MTX3: variants seen among roughly 807,000 people sequenced by gnomAD.
MTX3 encodes the protein metaxin 3.
Under a neutral mutation model 42.5 loss-of-function variants are expected in MTX3, and 27 were observed. That is an observed-to-expected ratio of 0.64 (90% CI 0.47 to 0.88). The LOEUF (loss-of-function observed/expected upper bound fraction) is 0.88, where lower values mean the gene tolerates loss of function less well. Ranked by LOEUF, MTX3 falls within the 40% of genes least tolerant of loss-of-function variation. The pLI, the probability that MTX3 is intolerant of heterozygous loss-of-function variation, is 0.00. For missense variants in MTX3, 378 were observed against 367.0 expected, an observed-to-expected ratio of 1.03 and a Z score of -0.25; for synonymous variants, 144 against 132.9, an observed-to-expected ratio of 1.08 and a Z score of -0.57.
Position 79,987,125 on chromosome 5 carries a change from A to AT in MTX3, c.582-19dup, listed in dbSNP as rs1243720377. ...TAGAAGGCCTAGAAATAAATTAAGG[A>AT]TTTTTAAAGCACATAAGACAATATT... On this transcript the variant is annotated intron_variant, in intron 6 of 8. Transcript: ENST00000512528. The AT allele has an allele frequency of 1.2e-6, 2 of 1,611,990 alleles. No homozygotes were observed.
rs1284477566 is a variant in MTX3 at position 79,980,254 on chromosome 5, TC to T, written c.*3429del. 2 of 152,194 alleles carry T rather than the reference TC, an allele frequency of 1.3e-5. No individual in the cohort carries two copies. 9.4% of individuals were successfully genotyped at this position (152,194 alleles called of 1,614,324 possible). A position where few individuals can be genotyped will look rare whatever the true frequency, so the allele number is the denominator to read the frequency against. On this transcript the variant is annotated 3_prime_UTR_variant, in exon 9 of 9. Coordinates refer to ENST00000512528, the MANE Select transcript of MTX3 (RefSeq NM_001363818.2). ...AACCAACAGGTTTTCTAAGATACTA[TC>T]CCCCTTACCTGTTTCTGCCTCTTTC...
rs185105621 is a variant in MTX3 at position 79,990,161 on chromosome 5, T to C, written c.227A>G (p.Gln76Arg). The C allele has an allele frequency of 1.2e-6, 2 of 1,602,842 alleles. No individual in the cohort carries two copies. Among genetic ancestry groups the C allele is most frequent in the South Asian group, 2.2e-5 (2 of 89,536 alleles). Residue 76 changes from glutamine (Q) to arginine (R), a missense_variant and splice_region_variant, in exon 3 of 9, where the codon CAG becomes CGG. Transcript: ENST00000512528. ...ACTTCTTCAAAGTGAACCACCCACC[T>C]GTTTTCTTAAAAAGTTTAGTATTTT... Reference protein sequence around the residue: ...PAKILNFLRKQKYNADYELSA... With the variant: ...PAKILNFLRKRKYNADYELSA...
chr5:79,987,067 G>T lies in MTX3; in HGVS notation c.622C>A (p.Pro208Thr). 1 of 1,613,946 alleles carries T rather than the reference G, an allele frequency of 6.2e-7. No individual in the cohort carries two copies. Among genetic ancestry groups the T allele is most frequent in the South Asian group, 1.1e-5 (1 of 91,080 alleles). ...LDAYVFGFLA[P>T]LYKVRFPKVQ... ...TTAGGAAACCGTACTTTGTAAAGAG[G>T]TGCAAGAAAACCAAAAACATAGGCA... The change falls in exon 7 of 9, where the codon CCT becomes ACT. Residue 208 changes from proline to threonine, a missense_variant. By Grantham distance (38) the Pro-to-Thr change is conservative (BLOSUM62 -1). Transcript: ENST00000512528.
chr5:79,989,700 T>C (rs879542900), intron 3 of MTX3, among the ~76,000 whole-genome samples: 2 of 152,262 alleles, frequency 1.3e-5, no homozygotes, highest in Non-Finnish European at 2.9e-5. Flanking sequence ...AATCTTTACA[T>C]GTTTAAACAT....
intron 8 of MTX3, 67 bp from the exon 9 acceptor site, chr5:79,983,861 C>T (rs2151140542): frequency 1.0e-6 from 1 of 1,002,936 alleles, no homozygotes; most frequent in Non-Finnish European, 1.6e-6. Context: ...TGTGGCCTCC[C>T]CATCCAAACT....
chr5:79,989,521 TACAA>T (rs929738020), intron 3 of MTX3, among the ~76,000 whole-genome samples: 4 of 152,218 alleles, frequency 2.6e-5, no homozygotes, highest in Admixed American at 6.5e-5. Flanking sequence ...TGGCATGTAG[TACAA>T]ACAAAGCAAC....
chr5:79,986,746 A>T (rs1831499719), intron 7 of MTX3: 1 of 599,216 alleles, frequency 1.7e-6, no homozygotes, highest in Non-Finnish European at 3.0e-6. Flanking sequence ...GAATAGATAA[A>T]AGGCAAATAT....
Position 79,990,590 on chromosome 5 carries a change from A to G in MTX3, c.151+4T>C. On this transcript the variant is annotated splice_donor_region_variant and intron_variant, in intron 2 of 8. Transcript: ENST00000512528. Reference sequence around the variant, plus strand: ...AAAGGGGAGTGTAAAGGTTTACACTATACCTCTTGAACCTCTCCAGGTGTT... The same window carrying G: ...AAAGGGGAGTGTAAAGGTTTACACTGTACCTCTTGAACCTCTCCAGGTGTT... The G allele has an allele frequency of 1.9e-6, 3 of 1,593,706 alleles. No individual in the cohort carries two copies. Among genetic ancestry groups the G allele is most frequent in the Non-Finnish European group, 2.6e-6 (3 of 1,167,378 alleles).
In MTX3 at chr5:79,990,227, G is replaced by A. The variant is rs1472730059; in HGVS notation, c.161C>T (p.Pro54Leu). The A allele has an allele frequency of 6.2e-7, 1 of 1,607,036 alleles. No individual in the cohort carries two copies. Among genetic ancestry groups the A allele is most frequent in the Admixed American group, 1.7e-5 (1 of 59,040 alleles). ...CATGTCGTCTTCAGTTGTCAAAATT[G>A]GTACATCGCCTATAATCAAAAAACA... The part of the protein sequence containing the change: ...NTWRGSRGDV[P>L]ILTTEDDMVS... Residue 54 changes from proline (P) to leucine (L), a missense_variant, in exon 3 of 9, where the codon CCA (proline) becomes CTA (leucine). Pro to Leu is a moderately conservative substitution (Grantham distance 98). Coordinates refer to ENST00000512528, the MANE Select transcript of MTX3 (RefSeq NM_001363818.2).
intron 8 of MTX3, among the ~76,000 whole-genome samples, chr5:79,984,572 C>T (rs1057434199): frequency 6.6e-6 from 1 of 151,920 alleles, no homozygotes; most frequent in Non-Finnish European, 1.5e-5. Flanking sequence ...TGTCATCAGG[C>T]CTCATTGCCC....
chr5:79,984,870 A>T (rs1831453208), intron 8 of MTX3, among the ~76,000 whole-genome samples: 1 of 152,250 alleles, frequency 6.6e-6, no homozygotes, highest in African/African-American at 2.4e-5. Context: ...ATGTGGAAAG[A>T]AGAAAAGAAC....
At chr5:79,990,878 G>A (rs907912560) in intron 1 of MTX3, 1 of 708,870 alleles carries the variant, frequency 1.4e-6, no homozygotes, top group African/African-American at 1.7e-5. Context: ...GAGTAGGGAG[G>A]GCGCGCCCCT....
chr5:79,977,077 C>G lies in MTX3; in HGVS notation c.*6607G>C, dbSNP rs1831267668. 1 of 152,146 alleles carries G rather than the reference C, an allele frequency of 6.6e-6. No homozygotes were observed. 9.4% of individuals were successfully genotyped at this position (152,146 alleles called of 1,614,324 possible). On this transcript the variant is annotated 3_prime_UTR_variant, in exon 9 of 9. Transcript: ENST00000512528. ...CTTCTTTACTGTCAATCTTTCAGAA[C>G]AGTAACATGACATTACAAACACCTC...
Position 79,985,672 on chromosome 5 carries a change from G to A in MTX3, c.740-13C>T. Reference sequence around the variant, plus strand: ...GCTGGAGAGATGCCTAAGAAGCCAGGACAGAAATCAGAGAAAGACAGGAAA... The same window carrying A: ...GCTGGAGAGATGCCTAAGAAGCCAGAACAGAAATCAGAGAAAGACAGGAAA... On this transcript the variant is annotated splice_polypyrimidine_tract_variant and intron_variant, in intron 7 of 8. Coordinates refer to ENST00000512528, the MANE Select transcript of MTX3 (RefSeq NM_001363818.2). 1 of 1,590,790 alleles carries A rather than the reference G, an allele frequency of 6.3e-7. No individual in the cohort carries two copies. The highest frequency in any genetic ancestry group is 2.2e-5 in the East Asian group (1 of 44,728).
rs1831322558 is a variant in MTX3, at chr5:79,979,321, TAAC to T, written c.*4360_*4362del. 6.6e-6 allele frequency: 1 copy of T among 151,124 alleles called. No homozygotes were observed. Among genetic ancestry groups the T allele is most frequent in the African/African-American group, 2.4e-5 (1 of 41,402 alleles). 9.4% of individuals were successfully genotyped at this position (151,124 alleles called of 1,614,324 possible). A position where few individuals can be genotyped will look rare whatever the true frequency, so the allele number is the denominator to read the frequency against. On this transcript the variant is annotated 3_prime_UTR_variant, in exon 9 of 9. Transcript: ENST00000512528. The stretch of plus-strand genomic sequence containing the variant: ...GACCTGACCTTTGATTTCACGTAAC[TAAC>T]AACAAATTTCTTTAAAATCTGGTTA...
At position 79,991,039 on chromosome 5, in the gene MTX3, AGCGTGCAGCG is replaced by A. The variant is rs1561285135; in HGVS notation, c.81+109_81+118del. On this transcript the variant is annotated intron_variant, in intron 1 of 8. Coordinates refer to ENST00000512528, the MANE Select transcript of MTX3 (RefSeq NM_001363818.2). ...GGTGGGAGGGAGCCCAGGGCAATGC[AGCGTGCAGCG>A]GCTCGGCCCTCCTGGACCCCGCAGC... 4.8e-6 allele frequency: 5 copies of A among 1,052,252 alleles called. No individual in the cohort carries two copies. The South Asian group carries it at 6.8e-5, about 14-fold the overall frequency. 65.2% of individuals were successfully genotyped at this position (1,052,252 alleles called of 1,614,324 possible).
chr5:79,989,344 G>A, intron 3 of MTX3, 100 bp from the exon 4 acceptor site: 1 of 702,244 alleles, frequency 1.4e-6, no homozygotes, highest in Non-Finnish European at 2.3e-6. Flanking sequence ...CTTACAAATA[G>A]CAAACGTGGT....
At chr5:79,990,067 T>C (rs767719332) in intron 3 of MTX3, 93 bp downstream of exon 3, 30 of 676,822 alleles carry the variant, frequency 4.4e-5, no homozygotes, top group Non-Finnish European at 6.9e-5. Flanking sequence ...AATTGTCTAA[T>C]GAGTTGGCAA....
chr5:79,990,371 T>C (rs75719196), intron 2 of MTX3, 135 bp from the exon 3 acceptor site: 14,698 of 723,878 alleles, frequency 0.02, 200 homozygotes, highest in Middle Eastern at 0.047. Context: ...TTTTTGCTGT[T>C]TCACAAAGAG....
Sources: gnomAD v4.1 joint callset for allele counts (sites outside exome capture counted in the v4.1 genomes callset) on GRCh38, gnomAD v4.1.1 for gene constraint, MANE v1.5 for transcripts, NCBI Gene and HGNC (gene_info 2026-07-23, HGNC 2026-07-21) for gene names.